The following SLC2A10 variants were observed in gnomAD, a reference collection of about 807,000 sequenced individuals.
SLC2A10 encodes the protein solute carrier family 2, facilitated glucose transporter member 10.
SLC2A10 carries 25 observed loss-of-function variants against 32.1 expected under a neutral mutation model. The observed-to-expected ratio is 0.78, with a 90% confidence interval of 0.57 to 1.09. The LOEUF (loss-of-function observed/expected upper bound fraction) is 1.09, where lower values mean the gene tolerates loss of function less well. Ranked by LOEUF, SLC2A10 falls within the 50% of genes least tolerant of loss-of-function variation. The pLI is 0.00. For missense variants in SLC2A10, 673 were observed against 686.5 expected (o/e 0.98, Z 0.22); for synonymous variants, 332 against 309.6 (o/e 1.07, Z -0.76).
At chr20:46,721,860 A>G (rs987710334) in intron 1 of SLC2A10, among the ~76,000 whole-genome samples, 2 of 152,240 alleles carry the variant, frequency 1.3e-5, no homozygotes, top group Non-Finnish European at 1.5e-5. Context: ...GGTGGAGAGT[A>G]CATGTGACTG....
At chr20:46,724,901 GATGGTTTGA>G (rs1979782809) in intron 1 of SLC2A10, 131 bp from the exon 2 acceptor site, 24 of 1,051,096 alleles carry the variant, frequency 2.3e-5, no homozygotes, top group Non-Finnish European at 3.3e-5. Context: ...TGGATGGATG[GATGGTTTGA>G]ATGGATGGTT....
chr20:46,711,708 G>T (rs1978923114), intron 1 of SLC2A10, among the ~76,000 whole-genome samples: 1 of 152,144 alleles, frequency 6.6e-6, no homozygotes, highest in Non-Finnish European at 1.5e-5. Flanking sequence ...ACACAGCAGG[G>T]ACCAGGGATT....
chr20:46,724,994 T>G, intron 1 of SLC2A10, 47 bp from the exon 2 acceptor site: 1 of 1,613,538 alleles, frequency 6.2e-7, no homozygotes, highest in Non-Finnish European at 8.5e-7. Flanking sequence ...ATGGATGGTA[T>G]GACAAGGAAC....
At position 46,733,944 on chromosome 20, in the gene SLC2A10, C is replaced by T; in HGVS notation, c.*110C>T. ...TTCCAGCTGGTCTTTTGGGAGTGGC[C>T]CCTGCCCCCAAAGGTGGTCTGCTTT... On this transcript the variant is annotated 3_prime_UTR_variant, in exon 5 of 5. Transcript: ENST00000359271. 1 of 1,025,026 alleles carries T rather than the reference C, an allele frequency of 9.8e-7. No homozygotes were observed. Among genetic ancestry groups the T allele is most frequent in the African/African-American group, 1.6e-5 (1 of 63,074 alleles). 63.5% of individuals were successfully genotyped at this position (1,025,026 alleles called of 1,614,324 possible).
At position 46,725,358 on chromosome 20, in the gene SLC2A10, G is replaced by A. The variant is rs373375540; in HGVS notation, c.322G>A (p.Val108Ile). 45 of 1,614,124 alleles carry A rather than the reference G, an allele frequency of 2.8e-5. No homozygotes were observed. The highest frequency in any genetic ancestry group is 8.8e-5 in the South Asian group (8 of 91,084). The change falls in exon 2 of 5, where the codon GTT (valine) becomes ATT (isoleucine). Residue 108 changes from valine to isoleucine, a missense_variant. Coordinates refer to ENST00000359271, the MANE Select transcript of SLC2A10 (RefSeq NM_030777.4). ...LAWLVLGRAV[V>I]GFAISLSSMA... ...CTGGCTGGTCCTGGGCCGCGCTGTG[G>A]TTGGCTTCGCCATTTCCCTCTCCTC... is the stretch of plus-strand genomic sequence containing the variant.
At chr20:46,715,472 G>A (rs1979181131) in intron 1 of SLC2A10, among the ~76,000 whole-genome samples, 1 of 152,194 alleles carries the variant, frequency 6.6e-6, no homozygotes, top group Non-Finnish European at 1.5e-5. Context: ...TCAGGAATGA[G>A]GGAGGAGGGG....
chr20:46,725,418 G>C lies in SLC2A10; in HGVS notation c.382G>C (p.Gly128Arg). The change falls in exon 2 of 5, where the codon GGG becomes CGG. Residue 128 changes from glycine to arginine, a missense_variant. Gly to Arg is a moderately radical substitution (Grantham distance 125). Coordinates refer to ENST00000359271, the MANE Select transcript of SLC2A10 (RefSeq NM_030777.4). The part of the protein sequence containing the change: ...ACCIYVSELV[G>R]PRQRGVLVSL... ...CTGTATCTACGTGTCAGAGCTGGTG[G>C]GGCCACGGCAGCGGGGAGTGCTGGT... is the stretch of plus-strand genomic sequence containing the variant. 6.2e-7 allele frequency: 1 copy of C among 1,614,148 alleles called. No homozygotes were observed. The highest frequency in any genetic ancestry group is 1.7e-5 in the Admixed American group (1 of 60,030).
intron 1 of SLC2A10, chr20:46,710,367 G>C: frequency 3.7e-6 from 1 of 267,678 alleles, no homozygotes. Flanking sequence ...CACCTACTAC[G>C]TGCCAGACAT....
chr20:46,718,400 C>A (rs1250454926), intron 1 of SLC2A10, among the ~76,000 whole-genome samples: 1 of 152,174 alleles, frequency 6.6e-6, no homozygotes, highest in African/African-American at 2.4e-5. Flanking sequence ...GATCAACTAT[C>A]CTCTTCTTGT....
chr20:46,726,954 T>C lies in SLC2A10; in HGVS notation c.1379T>C (p.Leu460Pro), dbSNP rs777783469. Reference protein sequence around the residue: ...FCNSFNWAANLFISLSFLDLI... With the variant: ...FCNSFNWAANPFISLSFLDLI... ...AACAGCTTCAACTGGGCGGCCAACC[T>C]CTTCATCAGCCTCTCCTTCCTCGAT... Residue 460 changes from leucine to proline, a missense_variant, in exon 3 of 5, where the codon CTC (leucine) becomes CCC (proline). Transcript: ENST00000359271. 3 of 1,614,092 alleles carry C rather than the reference T, an allele frequency of 1.9e-6. No individual in the cohort carries two copies. The highest frequency in any genetic ancestry group is 3.3e-5 in the Admixed American group (2 of 60,010).
chr20:46,716,980 G>C (rs190655998), intron 1 of SLC2A10, among the ~76,000 whole-genome samples: 1 of 152,086 alleles, frequency 6.6e-6, no homozygotes, highest in Non-Finnish European at 1.5e-5. Context: ...CCGGAATTAC[G>C]CCACTGCGCT....
chr20:46,726,898 G>A lies in SLC2A10; in HGVS notation c.1323G>A (p.Val441=). The change falls in exon 3 of 5, where the codon GTG becomes GTA. Residue 441 remains valine (V), a synonymous_variant. Transcript: ENST00000359271. ...TTGTCCTCAGCGAGATCTACCCTGT[G>A]GAGATACGAGGAAGAGCCTTCGCCT... ...TWLVLSEIYP[V]EIRGRAFAFC... The A allele has an allele frequency of 6.2e-7, 1 of 1,614,132 alleles. No individual in the cohort carries two copies. The highest frequency in any genetic ancestry group is 2.2e-5 in the East Asian group (1 of 44,882).
chr20:46,728,399 A>G (rs1316635160), intron 3 of SLC2A10, among the ~76,000 whole-genome samples: 1 of 152,072 alleles, frequency 6.6e-6, no homozygotes, highest in Admixed American at 6.6e-5. Context: ...CTGTCTTGGG[A>G]TGAATGACAT....
chr20:46,711,148 C>T (rs962923338), intron 1 of SLC2A10, among the ~76,000 whole-genome samples: 2 of 152,202 alleles, frequency 1.3e-5, no homozygotes, highest in African/African-American at 4.8e-5. Flanking sequence ...CGTGAGCCTC[C>T]GCGCCCGGCC....
intron 1 of SLC2A10, among the ~76,000 whole-genome samples, chr20:46,717,217 G>A (rs554431357): frequency 5.3e-5 from 8 of 151,874 alleles, no homozygotes; most frequent in Non-Finnish European, 7.4e-5. Context: ...AGATCAGTGC[G>A]GGAAAAAATG....
rs1478041513 is a variant in SLC2A10 at position 46,736,207 on chromosome 20, A to C, written c.*2373A>C. The C allele has an allele frequency of 1.3e-5, 2 of 152,242 alleles. No individual in the cohort carries two copies. The highest frequency in any genetic ancestry group is 2.9e-5 in the Non-Finnish European group (2 of 68,042). The allele number at this position is 152,242 out of a possible 1,614,324, so 9.4% of individuals were successfully genotyped here. A position where few individuals can be genotyped will look rare whatever the true frequency, so the allele number is the denominator to read the frequency against. ...ATTATTTGTAAGTTGTGTGCAACAA[A>C]CATACCCTTTATCTCTGTAAAATTT... On this transcript the variant is annotated 3_prime_UTR_variant, in exon 5 of 5. Transcript: ENST00000359271.
At chr20:46,715,536 C>T (rs7267790) in intron 1 of SLC2A10, among the ~76,000 whole-genome samples, 4,482 of 152,224 alleles carry the variant, frequency 0.029, 86 homozygotes, top group African/African-American at 0.058. Context: ...AGGATGTTTA[C>T]TAGTGGTGAG....
intron 1 of SLC2A10, among the ~76,000 whole-genome samples, chr20:46,716,094 G>C (rs146995199): frequency 6.6e-6 from 1 of 151,562 alleles, no homozygotes; most frequent in African/African-American, 2.4e-5. Context: ...CCCCCCTGAT[G>C]ATCACTTTAT....
chr20:46,712,651 C>CTTTTTTTT (rs11477202), intron 1 of SLC2A10, among the ~76,000 whole-genome samples: 457 of 94,392 alleles, frequency 4.8e-3, no homozygotes, highest in African/African-American at 6.0e-3. Flanking sequence ...TTCTTTCTTT[C>CTTTTTTTT]TTTTTTTTTT....
Sources: allele counts gnomAD v4.1 joint callset (sites outside exome capture counted in the v4.1 genomes callset), GRCh38; gene constraint gnomAD v4.1.1; transcripts MANE v1.5; gene names NCBI Gene and HGNC (gene_info 2026-07-23, HGNC 2026-07-21).